LRRFIP2: variants seen among roughly 807,000 people sequenced by gnomAD.
The protein encoded by LRRFIP2 is LRR binding FLII interacting protein 2.
LRRFIP2 carries 109 observed loss-of-function variants against 125.9 expected under a neutral mutation model. That is an observed-to-expected ratio of 0.87 (90% CI 0.74 to 1.01). LRRFIP2 has a LOEUF of 1.01. LRRFIP2 is among the 50% of genes least tolerant of loss of function. The probability of loss-of-function intolerance (pLI) is 0.00; values close to 1 mark genes in which losing one functional copy is unlikely to be tolerated. For synonymous variants in LRRFIP2, 291 were observed against 293.1 expected, an observed-to-expected ratio of 0.99 and a Z score of 0.07; for missense variants, 850 against 862.3, an observed-to-expected ratio of 0.99 and a Z score of 0.18.
chr3:37,117,247 T>C (rs2094832903), intron 6 of LRRFIP2, among the ~76,000 whole-genome samples: 1 of 152,088 alleles, frequency 6.6e-6, no homozygotes, highest in African/African-American at 2.4e-5. Context: ...TCTTTCCTCT[T>C]ATCATCCTCT....
At chr3:37,118,990 T>A (rs1033603961) in intron 6 of LRRFIP2, among the ~76,000 whole-genome samples, 31 of 152,196 alleles carry the variant, frequency 2.0e-4, no homozygotes, top group African/African-American at 7.2e-4. Context: ...GATGAAAACT[T>A]AGAACTCACA....
chr3:37,114,655 C>T (rs7621471), intron 7 of LRRFIP2, among the ~76,000 whole-genome samples: 6,361 of 151,986 alleles, frequency 0.042, 400 homozygotes, highest in African/African-American at 0.13. Flanking sequence ...CATGGTGGCA[C>T]ATGTTTATAG....
chr3:37,138,071 G>A (rs905454238), intron 2 of LRRFIP2, among the ~76,000 whole-genome samples: 36 of 152,168 alleles, frequency 2.4e-4, no homozygotes, highest in Admixed American at 1.6e-3. Context: ...ATCCCCATCC[G>A]TACTATTCCA....
At chr3:37,100,400 G>GTATGTATATATACATATACATACATA (rs2093969312) in intron 15 of LRRFIP2, among the ~76,000 whole-genome samples, 1 of 151,336 alleles carries the variant, frequency 6.6e-6, no homozygotes, top group Non-Finnish European at 1.5e-5. Context: ...ACATACATGT[G>GTATGTATATATACATATACATACATA]TATGTATATA....
In LRRFIP2 at chr3:37,075,117, C is replaced by T. The variant is rs1170387468; in HGVS notation, c.1279-1G>A. 6.2e-7 allele frequency: 1 copy of T among 1,603,588 alleles called. No individual in the cohort carries two copies. The highest frequency in any genetic ancestry group is 2.2e-5 in the East Asian group (1 of 44,804). The stretch of plus-strand genomic sequence containing the variant: ...ACATATGTTTCTGCCTTTCTAACTC[C>T]TGTTATTAAACAAATAATATCATTT... On this transcript the variant is annotated splice_acceptor_variant, in intron 19 of 27. Coordinates refer to ENST00000336686, the MANE Select transcript of LRRFIP2 (RefSeq NM_006309.4). LOFTEE classifies it high-confidence loss of function.
At chr3:37,061,555 T>G (rs1294992475) in intron 24 of LRRFIP2, among the ~76,000 whole-genome samples, 3 of 151,858 alleles carry the variant, frequency 2.0e-5, no homozygotes, top group African/African-American at 7.3e-5. Context: ...CATGCCCGGC[T>G]AATTTTTGTA....
rs2085967007 is a variant in LRRFIP2 at position 37,053,325 on chromosome 3, A to G, written c.*526T>C. ...AGGCTTTTTTCCTCCAAACATATAA[A>G]TCTGAGTGAAACATAGATTCCCCAC... On this transcript the variant is annotated 3_prime_UTR_variant, in exon 28 of 28. Coordinates refer to ENST00000336686, the MANE Select transcript of LRRFIP2 (RefSeq NM_006309.4). The G allele has an allele frequency of 6.5e-6, 1 of 152,674 alleles. No homozygotes were observed. The highest frequency in any genetic ancestry group is 1.5e-5 in the Non-Finnish European group (1 of 68,102). The allele number at this position is 152,674 out of a possible 1,614,324, so 9.5% of individuals were successfully genotyped here.
At chr3:37,155,328 T>C (rs1458043054) in intron 1 of LRRFIP2, among the ~76,000 whole-genome samples, 1 of 152,226 alleles carries the variant, frequency 6.6e-6, no homozygotes, top group African/African-American at 2.4e-5. Flanking sequence ...AAAGCAATCC[T>C]TTTCATACTT....
chr3:37,132,939 A>C (rs1192908527), intron 2 of LRRFIP2, among the ~76,000 whole-genome samples: 1 of 152,196 alleles, frequency 6.6e-6, no homozygotes, highest in Non-Finnish European at 1.5e-5. Context: ...AATTCACAGT[A>C]AAGGCTGGGC....
intron 1 of LRRFIP2, among the ~76,000 whole-genome samples, chr3:37,150,789 A>G (rs980121142): frequency 1.2e-4 from 19 of 152,348 alleles, no homozygotes; most frequent in African/African-American, 3.8e-4. Flanking sequence ...AGAAATTCTC[A>G]AGTAAGTCTG....
chr3:37,110,596 G>T (rs1344645282), intron 9 of LRRFIP2, among the ~76,000 whole-genome samples: 1 of 152,072 alleles, frequency 6.6e-6, no homozygotes, highest in Non-Finnish European at 1.5e-5. Context: ...GAAGTATATG[G>T]ATGCTTACAA....
rs185632033 is a variant in LRRFIP2 at position 37,132,259 on chromosome 3, G to C, written c.91-3110C>G. 3.4e-5 allele frequency among the ~76,000 whole-genome samples: 5 copies of C among 148,968 alleles called. No individual in the cohort carries two copies. The East Asian group carries it at 5.8e-4, about 17-fold the overall frequency. Reference sequence around the variant, plus strand: ...TTAAGAAAGCCCTATCAATGTGTAGGAATTTTCATTTACATGTATATTAAA... The same window carrying C: ...TTAAGAAAGCCCTATCAATGTGTAGCAATTTTCATTTACATGTATATTAAA... On this transcript the variant is annotated intron_variant, in intron 2 of 27. Coordinates refer to ENST00000336686, the MANE Select transcript of LRRFIP2 (RefSeq NM_006309.4).
chr3:37,055,993 G>T (rs2086739007), intron 25 of LRRFIP2, among the ~76,000 whole-genome samples: 1 of 152,128 alleles, frequency 6.6e-6, no homozygotes. Flanking sequence ...TTCCCTTGCT[G>T]TATTTTATTT....
intron 1 of LRRFIP2, among the ~76,000 whole-genome samples, chr3:37,168,216 C>T (rs1281121872): frequency 6.6e-6 from 1 of 152,134 alleles, no homozygotes; most frequent in Non-Finnish European, 1.5e-5. Flanking sequence ...ATGTGGCACT[C>T]AAACAGACAT....
chr3:37,173,696 C>T (rs867111396), intron 1 of LRRFIP2, among the ~76,000 whole-genome samples: 13 of 152,274 alleles, frequency 8.5e-5, no homozygotes, highest in Middle Eastern at 3.4e-3. Context: ...CAGCACACTG[C>T]AAGAATTATT....
chr3:37,083,805 T>A lies in LRRFIP2; in HGVS notation c.1109A>T (p.Glu370Val), dbSNP rs147056296. Residue 370 changes from glutamate (E) to valine (V), a missense_variant and splice_region_variant, in exon 19 of 28, where the codon GAA becomes GTA. Transcript: ENST00000336686. Reference protein sequence around the residue: ...RYMQGLKELKESLSEVEEKYK... With the variant: ...RYMQGLKELKVSLSEVEEKYK... Reference sequence around the variant, plus strand: ...TTTTTCTTCCACTTCAGACAAAGATTCCTAAATGAGAGTTAAGTCATCAGT... The same window carrying A: ...TTTTTCTTCCACTTCAGACAAAGATACCTAAATGAGAGTTAAGTCATCAGT... 1 of 1,587,486 alleles carries A rather than the reference T, an allele frequency of 6.3e-7. No homozygotes were observed. The highest frequency in any genetic ancestry group is 8.5e-7 in the Non-Finnish European group (1 of 1,171,750).
chr3:37,098,414 G>T (rs904985340), intron 15 of LRRFIP2, among the ~76,000 whole-genome samples: 1 of 149,864 alleles, frequency 6.7e-6, no homozygotes, highest in African/African-American at 2.5e-5. Flanking sequence ...TTGAGACAGG[G>T]TCTCACTCTG....
At position 37,139,608 on chromosome 3, in the gene LRRFIP2, T is replaced by A. The variant is rs1168290953; in HGVS notation, c.90+9286A>T. ...CCTGTGGTTCTACTGAAGAGCTGCCTCTTCTGTTGTTGAAAGTCAAACCCT... is the reference window on the plus strand; with the variant it reads ...CCTGTGGTTCTACTGAAGAGCTGCCACTTCTGTTGTTGAAAGTCAAACCCT... On this transcript the variant is annotated intron_variant, in intron 2 of 27. Transcript: ENST00000336686. Among the ~76,000 whole-genome samples, 3 of 152,102 alleles carry A rather than the reference T, an allele frequency of 2.0e-5. No homozygotes were observed. In the South Asian group the frequency reaches 6.2e-4, roughly 32 times the overall value.
intron 19 of LRRFIP2, among the ~76,000 whole-genome samples, chr3:37,076,408 T>C (rs1240306022): frequency 6.6e-6 from 1 of 151,944 alleles, no homozygotes; most frequent in Non-Finnish European, 1.5e-5. Context: ...GTGCCTGTAG[T>C]CCCAGGTACT....
Sources: gnomAD v4.1 joint callset for allele counts (sites outside exome capture counted in the v4.1 genomes callset) on GRCh38, gnomAD v4.1.1 for gene constraint, MANE v1.5 for transcripts, NCBI Gene and HGNC (gene_info 2026-07-23, HGNC 2026-07-21) for gene names.